The following SNTG2 variants were observed in gnomAD, a reference collection of about 807,000 sequenced individuals.
SNTG2 encodes the protein syntrophin gamma 2, also known as gamma-2-syntrophin.
In SNTG2, 74 loss-of-function variants were observed where a neutral mutation model predicts 70.9. The ratio of observed to expected loss-of-function variants is 1.04; its 90% CI spans 0.86 to 1.27. The LOEUF is 1.27. SNTG2 is among the 50% of genes most tolerant of loss of function. SNTG2 has a pLI of 0.00. For missense variants in SNTG2, 717 were observed against 690.7 expected (o/e 1.04, Z -0.43); for synonymous variants, 278 against 273.8 (o/e 1.02, Z -0.15).
chr2:1,224,530 C>A (rs1408145498), intron 9 of SNTG2, among the ~76,000 whole-genome samples: 1 of 152,170 alleles, frequency 6.6e-6, no homozygotes, highest in Non-Finnish European at 1.5e-5. Context: ...TCTCCCCATG[C>A]TCTGCCTCCC....
At chr2:974,104 G>A (rs1241508599) in intron 1 of SNTG2, among the ~76,000 whole-genome samples, 1 of 152,120 alleles carries the variant, frequency 6.6e-6, no homozygotes, top group Non-Finnish European at 1.5e-5. Flanking sequence ...AACTAAGAAA[G>A]AAGGAAGTGG....
At chr2:996,602 A>G (rs573792793) in intron 1 of SNTG2, among the ~76,000 whole-genome samples, 1 of 146,464 alleles carries the variant, frequency 6.8e-6, no homozygotes, top group African/African-American at 2.6e-5. Flanking sequence ...ATATATATGT[A>G]TATGTGTGTA....
At chr2:1,059,180 T>A (rs900101748) in intron 1 of SNTG2, 1 of 152,278 alleles carries the variant, frequency 6.6e-6, no homozygotes, top group Admixed American at 6.5e-5. Context: ...TTTACGAGAC[T>A]GAGGAAAGTG....
At chr2:985,954 T>G (rs563618106) in intron 1 of SNTG2, among the ~76,000 whole-genome samples, 1 of 152,042 alleles carries the variant, frequency 6.6e-6, no homozygotes, top group South Asian at 2.1e-4. Flanking sequence ...CCCAACCTAT[T>G]TTTATTTTAT....
At chr2:1,016,012 A>G (rs2148002271) in intron 1 of SNTG2, among the ~76,000 whole-genome samples, 1 of 152,354 alleles carries the variant, frequency 6.6e-6, no homozygotes, top group South Asian at 2.1e-4. Context: ...AATACACTGT[A>G]TACATGTGTT....
chr2:1,199,384 G>A (rs1329772667), intron 8 of SNTG2, among the ~76,000 whole-genome samples: 1 of 151,822 alleles, frequency 6.6e-6, no homozygotes, highest in Non-Finnish European at 1.5e-5. Context: ...TCAGCATAAG[G>A]TCATATATGA....
intron 8 of SNTG2, among the ~76,000 whole-genome samples, chr2:1,180,780 G>T (rs1268066322): frequency 6.6e-6 from 1 of 151,784 alleles, no homozygotes; most frequent in Non-Finnish European, 1.5e-5. Flanking sequence ...TATGTTTATT[G>T]TGGCACTATT....
chr2:972,795 T>A (rs549880740), intron 1 of SNTG2, among the ~76,000 whole-genome samples: 13 of 152,282 alleles, frequency 8.5e-5, no homozygotes, highest in Non-Finnish European at 1.3e-4. Flanking sequence ...TCCCACTTTG[T>A]CTTCCACCAT....
chr2:1,023,586 C>T (rs1352066558), intron 1 of SNTG2, among the ~76,000 whole-genome samples: 1 of 152,170 alleles, frequency 6.6e-6, no homozygotes, highest in African/African-American at 2.4e-5. Context: ...CATCGTCGAA[C>T]ATTTTTATGT....
chr2:1,246,173 G>T (rs1677412231), intron 11 of SNTG2, among the ~76,000 whole-genome samples: 1 of 152,180 alleles, frequency 6.6e-6, no homozygotes, highest in Non-Finnish European at 1.5e-5. Flanking sequence ...TGCATCAGGG[G>T]ATTCGTATTC....
In SNTG2 at chr2:1,154,191, G is replaced by C. The variant is rs868415320; in HGVS notation, c.412-11357G>C. Among the ~76,000 whole-genome samples, 39 of 152,138 alleles carry C rather than the reference G, an allele frequency of 2.6e-4. 1 individual carries two copies. The highest frequency in any genetic ancestry group is 1.2e-3 in the Admixed American group (18 of 15,290). On this transcript the variant is annotated intron_variant, in intron 6 of 16. Transcript: ENST00000308624. ...GGGAGAGGCGGGAGGAGCATGGTTG[G>C]GGGGAGAAGGGCCCAGCCCCATGGA... is the stretch of plus-strand genomic sequence containing the variant.
At chr2:1,190,742 A>G (rs1483107134) in intron 8 of SNTG2, among the ~76,000 whole-genome samples, 1 of 151,962 alleles carries the variant, frequency 6.6e-6, no homozygotes, top group Non-Finnish European at 1.5e-5. Context: ...AGAGATTTTC[A>G]AACTCATCAA....
At chr2:1,342,291 A>G (rs4971478) in intron 16 of SNTG2, among the ~76,000 whole-genome samples, 34,558 of 116,270 alleles carry the variant, frequency 0.3, 7,143 homozygotes, top group Middle Eastern at 0.34. Context: ...GTAGGACAGC[A>G]GCAGCTTCCT....
intron 7 of SNTG2, among the ~76,000 whole-genome samples, chr2:1,166,257 G>T (rs1005840606): frequency 9.9e-5 from 15 of 152,122 alleles, no homozygotes; most frequent in Admixed American, 9.8e-4. Flanking sequence ...GTGGGTAATC[G>T]GGAAAGGCCT....
rs139591208 is a variant in SNTG2 at position 960,135 on chromosome 2, G to A, written c.72+9067G>A. Among the ~76,000 whole-genome samples the A allele has an allele frequency of 3.5e-3, 532 of 152,264 alleles. 1 individual carries two copies. Among genetic ancestry groups the A allele is most frequent in the African/African-American group, 0.012 (502 of 41,556 alleles). ...GGAGAGGCTTCGGGCAGGTGTTCCC[G>A]TAGGAGGGGGCTCTGTTAATGACAC... On this transcript the variant is annotated intron_variant, in intron 1 of 16. Transcript: ENST00000308624.
At chr2:1,281,415 GT>G (rs111489164) in intron 14 of SNTG2, among the ~76,000 whole-genome samples, 18 of 10,582 alleles carry the variant, frequency 1.7e-3, no homozygotes, top group African/African-American at 3.0e-3. Flanking sequence ...TGTGTTGTGT[GT>G]GTGTGTGTGG....
chr2:1,130,946 A>C (rs911606872), intron 4 of SNTG2, among the ~76,000 whole-genome samples: 2 of 152,208 alleles, frequency 1.3e-5, no homozygotes, highest in Admixed American at 1.3e-4. Context: ...GTTTTTCTAT[A>C]GTTTTGACTA....
intron 16 of SNTG2, among the ~76,000 whole-genome samples, chr2:1,350,324 C>G (rs190247438): frequency 5.5e-4 from 84 of 152,260 alleles, no homozygotes; most frequent in Non-Finnish European, 1.0e-3. Flanking sequence ...TAATTTCAAG[C>G]CTTTGAAAGA....
intron 6 of SNTG2, among the ~76,000 whole-genome samples, chr2:1,146,500 A>G (rs1193003017): frequency 1.4e-5 from 2 of 147,574 alleles, no homozygotes; most frequent in African/African-American, 2.5e-5. Flanking sequence ...ATTCAATATG[A>G]TATCAACCAA....
Sources: allele counts gnomAD v4.1 joint callset (sites outside exome capture counted in the v4.1 genomes callset), GRCh38; gene constraint gnomAD v4.1.1; transcripts MANE v1.5; gene names NCBI Gene and HGNC (gene_info 2026-07-23, HGNC 2026-07-21).